The following SUGCT variants were observed in gnomAD, a reference collection of about 807,000 sequenced individuals.
SUGCT encodes the protein succinyl-CoA:glutarate-CoA transferase.
Under a neutral mutation model 55.0 loss-of-function variants are expected in SUGCT, and 41 were observed. The observed-to-expected ratio is 0.74, with a 90% confidence interval of 0.58 to 0.97. The LOEUF is 0.97. SUGCT is among the 50% of genes least tolerant of loss of function. The pLI is 0.00. For missense variants in SUGCT, 568 were observed against 547.8 expected (o/e 1.04, Z -0.37); for synonymous variants, 187 against 200.4 (o/e 0.93, Z 0.56).
In SUGCT at chr7:40,283,295, C is replaced by T. The variant is rs1168657405; in HGVS notation, c.720+8639C>T. On this transcript the variant is annotated intron_variant, in intron 8 of 13. Coordinates refer to ENST00000335693, the MANE Select transcript of SUGCT (RefSeq NM_001193313.2). The stretch of plus-strand genomic sequence containing the variant: ...CCAGGCTGGTGTGCAGTGGTGCCAT[C>T]TCAGCTCACTGCAACCTCTGCCTCC... Among the ~76,000 whole-genome samples the T allele has an allele frequency of 4.6e-5, 7 of 151,458 alleles. No homozygotes were observed. In the East Asian group the frequency reaches 1.4e-3, roughly 29 times the overall value.
chr7:40,467,490 A>G (rs1020493070), intron 11 of SUGCT, among the ~76,000 whole-genome samples: 1 of 152,158 alleles, frequency 6.6e-6, no homozygotes, highest in Non-Finnish European at 1.5e-5. Context: ...CAGTGAAATT[A>G]TATTTTACTG....
At chr7:40,942,851 T>A in the SUGCT span, among the ~76,000 whole-genome samples, 19 of 152,138 alleles carry the variant, frequency 1.2e-4, no homozygotes, top group Non-Finnish European at 2.1e-4. Flanking sequence ...TAGTCTATTG[T>A]TAAAACTTTC....
chr7:40,578,031 A>C (rs372745414), intron 12 of SUGCT, among the ~76,000 whole-genome samples: 1 of 152,112 alleles, frequency 6.6e-6, no homozygotes, highest in Non-Finnish European at 1.5e-5. Context: ...CTCTGTCTAC[A>C]CTGTAGACAT....
chr7:40,326,849 T>C (rs1468501969), intron 9 of SUGCT, among the ~76,000 whole-genome samples: 1 of 152,214 alleles, frequency 6.6e-6, no homozygotes, highest in Non-Finnish European at 1.5e-5. Flanking sequence ...ATAAAAAATA[T>C]ATACTCACCT....
chr7:40,731,456 T>C (rs1184913691), intron 12 of SUGCT, among the ~76,000 whole-genome samples: 1 of 152,144 alleles, frequency 6.6e-6, no homozygotes, highest in East Asian at 1.9e-4. Context: ...TTCTTATTTA[T>C]AGGAAAAAAC....
In SUGCT at chr7:40,453,203, T is replaced by C. The variant is rs571169085; in HGVS notation, c.888+3845T>C. 4.6e-5 allele frequency among the ~76,000 whole-genome samples: 7 copies of C among 152,300 alleles called. No homozygotes were observed. The South Asian group carries it at 1.4e-3, about 32-fold the overall frequency. Reference sequence around the variant, plus strand: ...GTAATCCTGTATTGGAAACAGCAGATGAGCAGGAGCCAACTCTGAGAAAGA... The same window carrying C: ...GTAATCCTGTATTGGAAACAGCAGACGAGCAGGAGCCAACTCTGAGAAAGA... On this transcript the variant is annotated intron_variant, in intron 10 of 13. Coordinates refer to ENST00000335693, the MANE Select transcript of SUGCT (RefSeq NM_001193313.2).
At chr7:40,926,456 G>A in the SUGCT span, among the ~76,000 whole-genome samples, 1 of 151,884 alleles carries the variant, frequency 6.6e-6, no homozygotes, top group Non-Finnish European at 1.5e-5. Context: ...AAAGAGCAAA[G>A]ATAAAAACTT....
chr7:40,332,443 A>ATTTTTTT (rs57902207), intron 9 of SUGCT, among the ~76,000 whole-genome samples: 1 of 139,354 alleles, frequency 7.2e-6, no homozygotes, highest in Non-Finnish European at 1.6e-5. Context: ...TCTGCATTGG[A>ATTTTTTT]TTTTTTTTTT....
At chr7:40,530,147 A>G (rs1794008426) in intron 12 of SUGCT, among the ~76,000 whole-genome samples, 2 of 152,152 alleles carry the variant, frequency 1.3e-5, no homozygotes, top group Non-Finnish European at 2.9e-5. Flanking sequence ...GCATTTCTTT[A>G]TACCAGGAAG....
Position 40,642,153 on chromosome 7 carries a change from C to T in SUGCT, c.1090-107281C>T, listed in dbSNP as rs149805271. ...TGATGATCTGAATTCCCCTGACACT[C>T]ACTGGCTTTTTAAAGCATGCACATG... On this transcript the variant is annotated intron_variant, in intron 12 of 13. Coordinates refer to ENST00000335693, the MANE Select transcript of SUGCT (RefSeq NM_001193313.2). Among the ~76,000 whole-genome samples the T allele has an allele frequency of 1.6e-3, 242 of 152,318 alleles. 1 individual carries two copies. The highest frequency in any genetic ancestry group is 5.6e-3 in the African/African-American group (234 of 41,564).
intron 6 of SUGCT, among the ~76,000 whole-genome samples, chr7:40,223,645 T>A (rs1344660574): frequency 6.6e-6 from 1 of 152,228 alleles, no homozygotes; most frequent in African/African-American, 2.4e-5. Context: ...GAAGCATTGC[T>A]TGCCCTGAAG....
chr7:40,164,027 C>T (rs774018044), intron 1 of SUGCT, among the ~76,000 whole-genome samples: 65 of 152,108 alleles, frequency 4.3e-4, no homozygotes, highest in Admixed American at 3.3e-4. Context: ...CACTAGTTGG[C>T]CAGGATGGTC....
intron 8 of SUGCT, among the ~76,000 whole-genome samples, chr7:40,309,066 A>G (rs1001756234): frequency 6.6e-6 from 1 of 152,248 alleles, no homozygotes; most frequent in Non-Finnish European, 1.5e-5. Flanking sequence ...TAAGTTAAAT[A>G]TAACATCTTC....
chr7:40,872,926 G>A, the SUGCT span, among the ~76,000 whole-genome samples: 4 of 152,136 alleles, frequency 2.6e-5, no homozygotes, highest in Non-Finnish European at 5.9e-5. Flanking sequence ...GGTGGATTAA[G>A]GCTAAAGTGT....
intron 6 of SUGCT, among the ~76,000 whole-genome samples, chr7:40,206,465 T>C (rs1786981344): frequency 6.6e-6 from 1 of 152,180 alleles, no homozygotes; most frequent in Non-Finnish European, 1.5e-5. Flanking sequence ...AGATCAGGGA[T>C]TTTGATGGAA....
At chr7:40,839,093 T>C (rs1189437980) in intron 13 of SUGCT, among the ~76,000 whole-genome samples, 1 of 152,192 alleles carries the variant, frequency 6.6e-6, no homozygotes. Flanking sequence ...AACTTGGCAT[T>C]ACTGGAATAA....
At position 40,817,891 on chromosome 7, in the gene SUGCT, G is replaced by T. The variant is rs536870900; in HGVS notation, c.1154-42425G>T. ...AACTTCTAGAAGGAGGTAGTGATCTGCAGAGTCAAATATTACACATGTAAT... is the reference window on the plus strand; with the variant it reads ...AACTTCTAGAAGGAGGTAGTGATCTTCAGAGTCAAATATTACACATGTAAT... On this transcript the variant is annotated intron_variant, in intron 13 of 13. Coordinates refer to ENST00000335693, the MANE Select transcript of SUGCT (RefSeq NM_001193313.2). 3.9e-5 allele frequency among the ~76,000 whole-genome samples: 6 copies of T among 152,300 alleles called. No individual in the cohort carries two copies. The South Asian group carries it at 1.0e-3, about 26-fold the overall frequency.
intron 13 of SUGCT, among the ~76,000 whole-genome samples, chr7:40,816,439 G>T (rs895315251): frequency 1.3e-5 from 2 of 152,170 alleles, no homozygotes; most frequent in African/African-American, 4.8e-5. Flanking sequence ...CCCTTGGCCT[G>T]GGTTGCTTGG....
intron 9 of SUGCT, among the ~76,000 whole-genome samples, chr7:40,432,819 A>G (rs1227791430): frequency 2.0e-5 from 3 of 151,670 alleles, no homozygotes; most frequent in African/African-American, 7.3e-5. Context: ...GGCTTCTTGA[A>G]TCTGGATGTC....
Sources: allele counts gnomAD v4.1 joint callset (sites outside exome capture counted in the v4.1 genomes callset), GRCh38; gene constraint gnomAD v4.1.1; transcripts MANE v1.5; gene names NCBI Gene and HGNC (gene_info 2026-07-23, HGNC 2026-07-21).